The following PLEKHA5 variants were observed in gnomAD, a reference collection of about 807,000 sequenced individuals.
PLEKHA5 encodes the protein pleckstrin homology domain containing A5.
Under a neutral mutation model 181.9 loss-of-function variants are expected in PLEKHA5, and 55 were observed. The ratio of observed to expected loss-of-function variants is 0.30; its 90% CI spans 0.24 to 0.38. The LOEUF (loss-of-function observed/expected upper bound fraction) is 0.38. Among genes scored for constraint, PLEKHA5 ranks in the 10% least tolerant of loss-of-function variants. The probability of loss-of-function intolerance (pLI) is 1.00; values close to 1 mark genes in which losing one functional copy is unlikely to be tolerated. For synonymous variants in PLEKHA5, 535 were observed against 529.4 expected, an observed-to-expected ratio of 1.01 and a Z score of -0.15; for missense variants, 1,432 against 1,549.5, an observed-to-expected ratio of 0.92 and a Z score of 1.27.
chr12:19,202,629 C>G (rs1187277114), intron 3 of PLEKHA5, among the ~76,000 whole-genome samples: 1 of 152,026 alleles, frequency 6.6e-6, no homozygotes, highest in African/African-American at 2.4e-5. Flanking sequence ...GTAGAATGTA[C>G]AAACGCCAAT....
chr12:19,359,998 G>A (rs1366774984), intron 28 of PLEKHA5, among the ~76,000 whole-genome samples: 1 of 151,202 alleles, frequency 6.6e-6, no homozygotes, highest in Non-Finnish European at 1.5e-5. Flanking sequence ...GAAAAATTAA[G>A]CTTTCTTTAG....
intron 3 of PLEKHA5, among the ~76,000 whole-genome samples, chr12:19,185,636 T>G (rs1448760197): frequency 2.0e-5 from 3 of 152,198 alleles, no homozygotes; most frequent in Non-Finnish European, 4.4e-5. Flanking sequence ...AACCAATACA[T>G]TCCCTCCTTT....
intron 3 of PLEKHA5, among the ~76,000 whole-genome samples, chr12:19,228,438 G>GT (rs373269654): frequency 3.4e-5 from 5 of 146,872 alleles, no homozygotes; most frequent in East Asian, 2.0e-4. Flanking sequence ...ATTTTTCTCT[G>GT]TTTTTTTCTG....
chr12:19,149,065 C>T (rs543224092), intron 3 of PLEKHA5, among the ~76,000 whole-genome samples: 2 of 152,212 alleles, frequency 1.3e-5, no homozygotes, highest in Admixed American at 1.3e-4. Context: ...CTATTTAAGC[C>T]TCATTACAGA....
At chr12:19,286,142 T>C (rs1481840934) in intron 12 of PLEKHA5, among the ~76,000 whole-genome samples, 1 of 152,178 alleles carries the variant, frequency 6.6e-6, no homozygotes, top group Non-Finnish European at 1.5e-5. Context: ...TGCTTAAAGA[T>C]TGGCGGTGAT....
intron 31 of PLEKHA5, among the ~76,000 whole-genome samples, chr12:19,374,013 G>A (rs2095652104): frequency 6.6e-6 from 1 of 152,126 alleles, no homozygotes; most frequent in South Asian, 2.1e-4. Flanking sequence ...CTAGTCTCAT[G>A]GTATGCAACT....
chr12:19,315,013 T>C, intron 16 of PLEKHA5, 119 bp downstream of exon 16: 1 of 658,600 alleles, frequency 1.5e-6, no homozygotes, highest in Non-Finnish European at 2.8e-6. Flanking sequence ...TATTTTTTGT[T>C]TATGTTTATT....
chr12:19,137,260 C>T (rs2035931922), intron 3 of PLEKHA5, among the ~76,000 whole-genome samples: 1 of 152,162 alleles, frequency 6.6e-6, no homozygotes, highest in Non-Finnish European at 1.5e-5. Flanking sequence ...TGGTCTCAAA[C>T]TCCTGACCTC....
At chr12:19,143,023 T>C (rs966597479) in intron 3 of PLEKHA5, among the ~76,000 whole-genome samples, 1 of 152,196 alleles carries the variant, frequency 6.6e-6, no homozygotes, top group Non-Finnish European at 1.5e-5. Context: ...TATCCATTCA[T>C]CTCTTGATGG....
At chr12:19,200,273 T>TAA in intron 3 of PLEKHA5, 2 of 1,307,046 alleles carry the variant, frequency 1.5e-6, no homozygotes, top group Admixed American at 2.1e-5. Context: ...TATGTACCAA[T>TAA]AAAAAAAAAT....
intron 8 of PLEKHA5, 67 bp from the exon 9 acceptor site, chr12:19,269,703 C>T: frequency 1.3e-6 from 1 of 756,064 alleles, no homozygotes; most frequent in Non-Finnish European, 2.1e-6. Flanking sequence ...AATCACTTAC[C>T]TTTTTTTCTT....
intron 20 of PLEKHA5, among the ~76,000 whole-genome samples, chr12:19,331,859 C>A (rs1223415190): frequency 6.6e-6 from 1 of 151,886 alleles, no homozygotes; most frequent in Admixed American, 6.6e-5. Context: ...CTCAAGTTTA[C>A]AGAAGATTAA....
chr12:19,305,335 G>A (rs1227103282), intron 15 of PLEKHA5, among the ~76,000 whole-genome samples: 2 of 152,090 alleles, frequency 1.3e-5, no homozygotes, highest in Non-Finnish European at 1.5e-5. Flanking sequence ...GGCCGAGGAG[G>A]GCAGATCACA....
intron 3 of PLEKHA5, among the ~76,000 whole-genome samples, chr12:19,202,530 G>A (rs751875623): frequency 2.0e-5 from 3 of 152,008 alleles, no homozygotes; most frequent in Admixed American, 1.3e-4. Context: ...GAGAGTATGT[G>A]TGTGTGTGTT....
chr12:19,360,595 G>A (rs1321053549), intron 28 of PLEKHA5, among the ~76,000 whole-genome samples: 3 of 150,226 alleles, frequency 2.0e-5, no homozygotes, highest in African/African-American at 7.4e-5. Context: ...GACAGAGTGA[G>A]ATTCCGTCTC....
chr12:19,144,454 G>A (rs1390006294), intron 3 of PLEKHA5, among the ~76,000 whole-genome samples: 2 of 151,820 alleles, frequency 1.3e-5, no homozygotes, highest in Non-Finnish European at 2.9e-5. Flanking sequence ...AATTATCCTA[G>A]GAGAACAGAC....
At chr12:19,245,885 A>G (rs1480869964) in intron 3 of PLEKHA5, among the ~76,000 whole-genome samples, 1 of 152,020 alleles carries the variant, frequency 6.6e-6, no homozygotes, top group Non-Finnish European at 1.5e-5. Context: ...GTATTAAGCA[A>G]TCCTGAGTCA....
At chr12:19,336,661 T>C (rs1410300126) in intron 21 of PLEKHA5, 45 bp downstream of exon 21, 1 of 1,072,452 alleles carries the variant, frequency 9.3e-7, no homozygotes, top group Non-Finnish European at 1.4e-6. Context: ...CTGTTTTTAC[T>C]GGTACTGTAC....
intron 3 of PLEKHA5, among the ~76,000 whole-genome samples, chr12:19,166,896 A>G (rs1022688215): frequency 5.3e-5 from 8 of 152,336 alleles, no homozygotes; most frequent in African/African-American, 1.9e-4. Context: ...AAGTTATCAA[A>G]TTCCAAATAA....
Sources: allele counts gnomAD v4.1 joint callset (sites outside exome capture counted in the v4.1 genomes callset), GRCh38; gene constraint gnomAD v4.1.1; transcripts MANE v1.5; gene names NCBI Gene and HGNC (gene_info 2026-07-23, HGNC 2026-07-21).